APOB: variants seen among roughly 807,000 people sequenced by gnomAD.
APOB encodes the protein apolipoprotein B-100.
A neutral mutation model predicts 314.1 loss-of-function variants in APOB; 153 were observed. That is an observed-to-expected ratio of 0.49 (90% CI 0.43 to 0.56). The LOEUF (loss-of-function observed/expected upper bound fraction) is 0.56, where lower values mean the gene tolerates loss of function less well. Ranked by LOEUF, APOB falls within the 20% of genes least tolerant of loss-of-function variation. The probability of loss-of-function intolerance (pLI) is 0.00; values close to 1 mark genes in which losing one functional copy is unlikely to be tolerated. For synonymous variants in APOB, 2,087 were observed against 2,036.4 expected, an observed-to-expected ratio of 1.02 and a Z score of -0.67; for missense variants, 5,430 against 5,350.7, an observed-to-expected ratio of 1.01 and a Z score of -0.46.
intron 25 of APOB, 113 bp from the exon 26 acceptor site, chr2:21,012,764 A>G: frequency 8.9e-7 from 1 of 1,121,552 alleles, no homozygotes; most frequent in African/African-American, 1.6e-5. Flanking sequence ...CAATTGTGCA[A>G]TAGACTCCTC....
In APOB at chr2:21,015,119, G is replaced by A. The variant is rs1558567016; in HGVS notation, c.3650C>T (p.Pro1217Leu). The change falls in exon 23 of 29, where the codon CCT (proline) becomes CTT (leucine). Residue 1217 changes from proline to leucine, a missense_variant. Physicochemically the swap from Pro to Leu is moderately conservative, Grantham distance 98. Around this residue, in one of 3 missense-constraint regions of APOB, gnomAD observed 2,085 missense variants for 2,079.7 expected, o/e 1.00. Transcript: ENST00000233242. ...GTGCCGGAAAGTCATGTCTGTTTGAGGGACTCTGTGATCCAGGAGTCTATT... is the reference window on the plus strand; with the variant it reads ...GTGCCGGAAAGTCATGTCTGTTTGAAGGACTCTGTGATCCAGGAGTCTATT... ...YANRLLDHRV[P>L]QTDMTFRHVG... 6.2e-7 allele frequency: 1 copy of A among 1,614,182 alleles called. No homozygotes were observed. The highest frequency in any genetic ancestry group is 8.5e-7 in the Non-Finnish European group (1 of 1,180,036).
rs1663774013 is a variant in APOB, at chr2:21,027,877, A to C, written c.2018T>G (p.Leu673Arg). ...PNNYLPKESMLKTTLTAFGFA... is the reference protein window; with the variant it reads ...PNNYLPKESMRKTTLTAFGFA... ...TCCAAAGGCAGTGAGGGTAGTTTTC[A>C]GCATGCTTTCTTTAGGAAGGTAGTT... The change falls in exon 14 of 29, where the codon CTG becomes CGG. Residue 673 changes from leucine to arginine, a missense_variant. Coordinates refer to ENST00000233242, the MANE Select transcript of APOB (RefSeq NM_000384.3). 2 of 1,614,134 alleles carry C rather than the reference A, an allele frequency of 1.2e-6. No individual in the cohort carries two copies. Among genetic ancestry groups the C allele is most frequent in the Non-Finnish European group, 1.7e-6 (2 of 1,179,984 alleles).
In APOB at chr2:21,003,286, G is replaced by C. The variant is rs200222843; in HGVS notation, c.12136C>G (p.Arg4046Gly). The change falls in exon 29 of 29, where the codon CGG (arginine) becomes GGG (glycine). Residue 4046 changes from arginine to glycine, a missense_variant. Physicochemically the swap from Arg to Gly is moderately radical, Grantham distance 125 (BLOSUM62 -2). Transcript: ENST00000233242. ...LTIFKTELRV[R>G]ESDEETQIKV... ...ATCTGAGTTTCCTCATCAGATTCCC[G>C]GACCCTCAACTCAGTTTTGAATATG... 1 of 1,613,466 alleles carries C rather than the reference G, an allele frequency of 6.2e-7. No homozygotes were observed. The highest frequency in any genetic ancestry group is 1.7e-5 in the Admixed American group (1 of 59,956).
At chr2:21,037,730 A>G (rs1485633016) in intron 5 of APOB, among the ~76,000 whole-genome samples, 1 of 152,152 alleles carries the variant, frequency 6.6e-6, no homozygotes, top group Non-Finnish European at 1.5e-5. Context: ...CTCCTCAATG[A>G]CTGTTTTAAA....
At chr2:21,022,010 C>A (rs1663618188) in intron 18 of APOB, among the ~76,000 whole-genome samples, 1 of 152,166 alleles carries the variant, frequency 6.6e-6, no homozygotes. Context: ...GGCTGGAGTG[C>A]AGTGGTGCAA....
At position 21,005,596 on chromosome 2, in the gene APOB, C is replaced by G. The variant is rs781117588; in HGVS notation, c.11272G>C (p.Val3758Leu). The part of the protein sequence containing the change: ...TFHVPFTDLQ[V>L]PSCKLDFREI... ...CTGAAGTCAAGTTTGCACGATGGAA[C>G]CTGAAGATCTGTAAATGGGACATGG... is the stretch of plus-strand genomic sequence containing the variant. Residue 3758 changes from valine (V) to leucine (L), a missense_variant, in exon 26 of 29, where the codon GTT becomes CTT. Val to Leu is a conservative substitution (Grantham distance 32). Transcript: ENST00000233242. 1 of 1,613,850 alleles carries G rather than the reference C, an allele frequency of 6.2e-7. No homozygotes were observed. Among genetic ancestry groups the G allele is most frequent in the Non-Finnish European group, 8.5e-7 (1 of 1,179,970 alleles).
At chr2:21,017,655 C>CT (rs1186346045) in intron 20 of APOB, among the ~76,000 whole-genome samples, 1 of 152,158 alleles carries the variant, frequency 6.6e-6, no homozygotes, top group African/African-American at 2.4e-5. Context: ...TACTTTCTAC[C>CT]CAAGATGCCT....
chr2:21,016,439 C>T lies in APOB; in HGVS notation c.3332G>A (p.Ser1111Asn). The change falls in exon 21 of 29, where the codon AGT becomes AAT. Residue 1111 changes from serine to asparagine, a missense_variant and splice_region_variant. Around this residue, in one of 3 missense-constraint regions of APOB, gnomAD observed 2,085 missense variants for 2,079.7 expected, o/e 1.00. Coordinates refer to ENST00000233242, the MANE Select transcript of APOB (RefSeq NM_000384.3). ...TCAGATGACCCTCGGCCTTCTTTAC[C>T]TTAGGTGGCCCATGAGGGCGACCTC... is the stretch of plus-strand genomic sequence containing the variant. ...ITEVALMGHL[S>N]CDTKEERKIK... 2 of 1,574,858 alleles carry T rather than the reference C, an allele frequency of 1.3e-6. No individual in the cohort carries two copies. Among genetic ancestry groups the T allele is most frequent in the Non-Finnish European group, 1.7e-6 (2 of 1,144,432 alleles).
Position 21,005,215 on chromosome 2 carries a change from C to A in APOB, c.11653G>T (p.Ala3885Ser). Residue 3885 changes from alanine to serine, a missense_variant, in exon 26 of 29, where the codon GCA (alanine) becomes TCA (serine). By Grantham distance (99) the Ala-to-Ser change is moderately conservative. Transcript: ENST00000233242. Reference protein sequence around the residue: ...IVIPSFQALTARFEVDSPVYN... With the variant: ...IVIPSFQALTSRFEVDSPVYN... ...ACGGGAGAGTCTACCTCAAAGCGTG[C>A]AGTCAGTGCTTGAAAGGAAGGAATG... 1.2e-6 allele frequency: 2 copies of A among 1,614,042 alleles called. No individual in the cohort carries two copies. The highest frequency in any genetic ancestry group is 1.7e-6 in the Non-Finnish European group (2 of 1,179,956).
intron 12 of APOB, among the ~76,000 whole-genome samples, 171 bp from the exon 13 acceptor site, chr2:21,028,709 T>C (rs1343315349): frequency 1.3e-5 from 2 of 152,212 alleles, no homozygotes; most frequent in Non-Finnish European, 2.9e-5. Flanking sequence ...CCTAGAGCAC[T>C]ATCAAGTAAG....
chr2:21,010,972 G>A lies in APOB; in HGVS notation c.5896C>T (p.His1966Tyr). The A allele has an allele frequency of 1.9e-6, 3 of 1,614,188 alleles. No homozygotes were observed. Among genetic ancestry groups the A allele is most frequent in the Non-Finnish European group, 2.5e-6 (3 of 1,180,022 alleles). ...GGAGTAAGCAGGGCACTGACTTTGTGTTCAAGAGCTGCACTGATGCTTTTC... is the reference window on the plus strand; with the variant it reads ...GGAGTAAGCAGGGCACTGACTTTGTATTCAAGAGCTGCACTGATGCTTTTC... ...SRKSISAALE[H>Y]KVSALLTPAE... The change falls in exon 26 of 29, where the codon CAC becomes TAC. Residue 1966 changes from histidine to tyrosine, a missense_variant. This residue lies in a region of APOB where 3,281 missense variants were observed against 3,171.0 expected (regional missense o/e 1.03). Coordinates refer to ENST00000233242, the MANE Select transcript of APOB (RefSeq NM_000384.3).
intron 9 of APOB, among the ~76,000 whole-genome samples, chr2:21,033,004 A>G (rs1663916587): frequency 6.6e-6 from 1 of 152,148 alleles, no homozygotes; most frequent in African/African-American, 2.4e-5. Context: ...GCTTCTGGAG[A>G]GCACCTGCAA....
intron 4 of APOB, 51 bp from the exon 5 acceptor site, chr2:21,038,162 G>A: frequency 6.2e-7 from 1 of 1,604,898 alleles, no homozygotes; most frequent in Non-Finnish European, 8.5e-7. Flanking sequence ...ATTACAACTT[G>A]CTGGAAGTAA....
chr2:21,021,510 G>A (rs1443013076), intron 18 of APOB, among the ~76,000 whole-genome samples: 1 of 152,028 alleles, frequency 6.6e-6, no homozygotes, highest in Non-Finnish European at 1.5e-5. Flanking sequence ...TTCAACTCCT[G>A]TGCCTTCAAA....
At chr2:21,035,745 C>A in intron 6 of APOB, 37 bp from the exon 7 acceptor site, 1 of 1,611,522 alleles carries the variant, frequency 6.2e-7, no homozygotes, top group African/African-American at 1.3e-5. Flanking sequence ...TTTGATCAGT[C>A]CCTGTATCTT....
intron 16 of APOB, chr2:21,024,623 A>G: frequency 1.9e-6 from 1 of 522,158 alleles, no homozygotes; most frequent in Non-Finnish European, 3.4e-6. Context: ...AAAAATTAAA[A>G]AAATAAAAAT....
In APOB at chr2:21,003,244, C is replaced by T; in HGVS notation, c.12178G>A (p.Glu4060Lys). 8 of 1,613,976 alleles carry T rather than the reference C, an allele frequency of 5.0e-6. No individual in the cohort carries two copies. The highest frequency in any genetic ancestry group is 6.8e-6 in the Non-Finnish European group (8 of 1,179,940). ...EETQIKVNWE[E>K]EAASGLLTSL... ...GTTAGCAAGCCAGAAGCTGCCTCTT[C>T]TTCCCAATTAACTTTGATCTGAGTT... is the stretch of plus-strand genomic sequence containing the variant. The change falls in exon 29 of 29, where the codon GAA (glutamate) becomes AAA (lysine). Residue 4060 changes from glutamate to lysine, a missense_variant. Coordinates refer to ENST00000233242, the MANE Select transcript of APOB (RefSeq NM_000384.3).
rs780876397 is a variant in APOB at position 21,035,616 on chromosome 2, C to T, written c.786G>A (p.Lys262=). ...AGAAAGGCAGGAAGAGGTGTTGCTC[C>T]TTGCAGATGGCTTCTGCCACATGCT... ...KRKHVAEAIC[K]EQHLFLPFSY... is the part of the protein sequence containing the mutation. Residue 262 remains lysine (K), a synonymous_variant, in exon 7 of 29, where the codon AAG becomes AAA. Transcript: ENST00000233242. The T allele has an allele frequency of 5.6e-6, 9 of 1,614,018 alleles. No homozygotes were observed. The African/African-American group carries it at 9.3e-5, about 17-fold the overall frequency.
intron 18 of APOB, among the ~76,000 whole-genome samples, chr2:21,021,840 C>G (rs1411759567): frequency 6.6e-6 from 1 of 152,226 alleles, no homozygotes; most frequent in African/African-American, 2.4e-5. Context: ...AGCCCTTACT[C>G]TATGATTACT....
Sources: gnomAD v4.1 joint callset for allele counts (sites outside exome capture counted in the v4.1 genomes callset) on GRCh38, gnomAD v4.1.1 for gene constraint, gnomAD v4.1.1 regional missense constraint, MANE v1.5 for transcripts, NCBI Gene and HGNC (gene_info 2026-07-23, HGNC 2026-07-21) for gene names.